Variants in PPARGC1A observed in about 807,000 individuals in gnomAD.
PPARGC1A encodes PPARG coactivator 1 alpha.
In PPARGC1A, 25 loss-of-function variants were observed where a neutral mutation model predicts 88.7. The ratio of observed to expected loss-of-function variants is 0.28; its 90% confidence interval spans 0.21 to 0.39. PPARGC1A has a LOEUF of 0.39. Ranked by LOEUF, PPARGC1A falls within the 10% of genes least tolerant of loss-of-function variation. The pLI is 1.00. For synonymous variants in PPARGC1A, 363 were observed against 355.6 expected, an observed-to-expected ratio of 1.02 and a Z score of -0.24; for missense variants, 880 against 968.7, an observed-to-expected ratio of 0.91 and a Z score of 1.22.
intron 12 of PPARGC1A, among the ~76,000 whole-genome samples, chr4:23,799,797 C>T (rs1184811388): frequency 3.3e-5 from 5 of 152,092 alleles, no homozygotes; most frequent in African/African-American, 7.2e-5. Context: ...AGTGATGAAT[C>T]GTGATCTAAA....
chr4:23,979,209 G>A, the PPARGC1A span, among the ~76,000 whole-genome samples: 8 of 152,094 alleles, frequency 5.3e-5, no homozygotes, highest in South Asian at 6.2e-4. Context: ...TATTCAGATC[G>A]GGACCTTTTA....
In PPARGC1A at chr4:23,824,526, A is replaced by G; in HGVS notation, c.758-18T>C. 2 of 1,562,868 alleles carry G rather than the reference A, an allele frequency of 1.3e-6. No individual in the cohort carries two copies. The highest frequency in any genetic ancestry group is 1.7e-6 in the Non-Finnish European group (2 of 1,144,526). On this transcript the variant is annotated intron_variant, in intron 5 of 12. Transcript: ENST00000264867. ...TGGTTTGGCTAAAGAAAAAAAAAAG[A>G]AACTAATTATGTAATATTGAGTGTC... is the stretch of plus-strand genomic sequence containing the variant.
chr4:23,986,293 T>C, the PPARGC1A span, among the ~76,000 whole-genome samples: 1 of 152,028 alleles, frequency 6.6e-6, no homozygotes, highest in Non-Finnish European at 1.5e-5. Context: ...TAGGGGAAAA[T>C]AGAAAGATTT....
the PPARGC1A span, among the ~76,000 whole-genome samples, chr4:24,077,624 GGTGTGTGTGTGTGTGTGTGTGTGTGTGT>G: frequency 7.6e-6 from 1 of 130,902 alleles, no homozygotes; most frequent in Non-Finnish European, 1.6e-5. Context: ...TGTGTCTAGG[GGTGTGTGTGTGTGTGTGTGTGTGTGTGT>G]GTGTGTGTGT....
chr4:24,391,722 C>A, the PPARGC1A span, among the ~76,000 whole-genome samples: 1 of 152,150 alleles, frequency 6.6e-6, no homozygotes, highest in Admixed American at 6.6e-5. Flanking sequence ...GAATACAGAT[C>A]GAGGCAGAAA....
chr4:24,430,319 C>T, the PPARGC1A span, among the ~76,000 whole-genome samples: 3 of 140,692 alleles, frequency 2.1e-5, no homozygotes, highest in African/African-American at 5.4e-5. Flanking sequence ...AGTGCAGTGG[C>T]GCGATCTCAG....
At chr4:24,078,291 GCCTTTTTTGGATTGGTCAGTTT>G in the PPARGC1A span, among the ~76,000 whole-genome samples, 1 of 152,030 alleles carries the variant, frequency 6.6e-6, no homozygotes, top group Non-Finnish European at 1.5e-5. Flanking sequence ...TTCATGAGAG[GCCTTTTTTGGATTGGTCAGTTT>G]CCCCAGAAGA....
chr4:23,836,478 AG>A (rs1726035345), intron 2 of PPARGC1A, among the ~76,000 whole-genome samples: 1 of 152,232 alleles, frequency 6.6e-6, no homozygotes, highest in African/African-American at 2.4e-5. Context: ...CATGGTGTAA[AG>A]AATTTCCAGT....
the PPARGC1A span, among the ~76,000 whole-genome samples, chr4:24,235,112 C>T: frequency 7.9e-5 from 12 of 152,074 alleles, no homozygotes; most frequent in Non-Finnish European, 1.6e-4. Context: ...TTAACAACCA[C>T]CAAGGTACCT....
chr4:23,888,688 G>A (rs1252965621), intron 1 of PPARGC1A, among the ~76,000 whole-genome samples: 1 of 152,206 alleles, frequency 6.6e-6, no homozygotes, highest in African/African-American at 2.4e-5. Flanking sequence ...CCAGCAAAGA[G>A]TTAAGAATCC....
chr4:23,821,767 G>A (rs1185922496), intron 7 of PPARGC1A, among the ~76,000 whole-genome samples: 1 of 151,796 alleles, frequency 6.6e-6, no homozygotes, highest in Non-Finnish European at 1.5e-5. Context: ...TCATGCATAA[G>A]AATCCTAGTC....
At chr4:23,963,393 G>C in the PPARGC1A span, among the ~76,000 whole-genome samples, 2 of 152,178 alleles carry the variant, frequency 1.3e-5, no homozygotes, top group Non-Finnish European at 2.9e-5. Context: ...GACAATCCCG[G>C]ATGAACTTTC....
the PPARGC1A span, among the ~76,000 whole-genome samples, chr4:24,419,267 G>C: frequency 0.013 from 1,983 of 151,368 alleles, 54 homozygotes; most frequent in East Asian, 0.11. Context: ...AGTTGGAACA[G>C]ACCATTCTGC....
chr4:24,049,312 A>G, the PPARGC1A span, among the ~76,000 whole-genome samples: 1 of 145,352 alleles, frequency 6.9e-6, no homozygotes, highest in Non-Finnish European at 1.5e-5. Context: ...ATGTGTGTAT[A>G]TATATATATA....
chr4:23,891,712 C>G (rs939363346), upstream of PPARGC1A, among the ~76,000 whole-genome samples: 1 of 152,124 alleles, frequency 6.6e-6, no homozygotes, highest in Non-Finnish European at 1.5e-5. Flanking sequence ...TTTAAGTTTG[C>G]TGAATACAGT....
At chr4:24,347,307 C>T in the PPARGC1A span, among the ~76,000 whole-genome samples, 1 of 152,088 alleles carries the variant, frequency 6.6e-6, no homozygotes, top group African/African-American at 2.4e-5. Context: ...AGTTTAAATC[C>T]ATTGTTTCTT....
chr4:24,164,916 G>A, the PPARGC1A span, among the ~76,000 whole-genome samples: 1 of 152,142 alleles, frequency 6.6e-6, no homozygotes, highest in Non-Finnish European at 1.5e-5. Context: ...TGCAGAGCAA[G>A]TGCACTATTT....
the PPARGC1A span, among the ~76,000 whole-genome samples, chr4:24,427,278 A>AT: frequency 2.6e-4 from 38 of 144,306 alleles, no homozygotes; most frequent in East Asian, 1.7e-3. Context: ...TCTATTCTTT[A>AT]TTTATTTTTT....
At chr4:24,059,966 C>T in the PPARGC1A span, among the ~76,000 whole-genome samples, 4 of 152,164 alleles carry the variant, frequency 2.6e-5, no homozygotes, top group Non-Finnish European at 4.4e-5. Flanking sequence ...CGCCTTTCTG[C>T]GTCCCACTGC....
Sources: gnomAD v4.1 joint callset for allele counts (sites outside exome capture counted in the v4.1 genomes callset) on GRCh38, gnomAD v4.1.1 for gene constraint, MANE v1.5 for transcripts, NCBI Gene and HGNC (gene_info 2026-07-23, HGNC 2026-07-21) for gene names.